The following TYW1B variants were observed in gnomAD, a reference collection of about 807,000 sequenced individuals.
TYW1B encodes the protein tRNA-yW synthesizing protein 1 homolog B, also known as S-adenosyl-L-methionine-dependent tRNA 4-demethylwyosine synthase TYW1B.
Under a neutral mutation model 86.9 loss-of-function variants are expected in TYW1B, and 73 were observed. That is an observed-to-expected ratio of 0.84 (90% confidence interval 0.70 to 1.02). TYW1B has a LOEUF of 1.02. Ranked by LOEUF, TYW1B falls within the 50% of genes least tolerant of loss-of-function variation. TYW1B has a pLI of 0.00. For synonymous variants in TYW1B, 248 were observed against 292.8 expected, an observed-to-expected ratio of 0.85 and a Z score of 1.56; for missense variants, 637 against 827.4, an observed-to-expected ratio of 0.77 and a Z score of 2.82.
chr7:72,704,771 GA>G (rs1479389947), intron 10 of TYW1B, among the ~76,000 whole-genome samples: 1 of 151,966 alleles, frequency 6.6e-6, no homozygotes, highest in African/African-American at 2.4e-5. Context: ...TACAAATGAG[GA>G]AAGTGGGCAC....
intron 13 of TYW1B, among the ~76,000 whole-genome samples, chr7:72,594,341 T>TAAA (rs58495459): frequency 1.4e-5 from 2 of 140,794 alleles, no homozygotes; most frequent in African/African-American, 2.6e-5. Context: ...AATTCTGCAT[T>TAAA]AAAAAAAAAA....
chr7:72,817,568 G>C (rs1478678889), intron 2 of TYW1B, among the ~76,000 whole-genome samples: 1 of 152,038 alleles, frequency 6.6e-6, no homozygotes, highest in Non-Finnish European at 1.5e-5. Context: ...CATGGGGGTG[G>C]GTCCCTCATG....
At chr7:72,623,609 C>A (rs533602943) in intron 12 of TYW1B, among the ~76,000 whole-genome samples, 3 of 152,232 alleles carry the variant, frequency 2.0e-5, no homozygotes, top group African/African-American at 7.2e-5. Flanking sequence ...CCAGAATGGT[C>A]TCTTTTCTTC....
chr7:72,636,685 GCTTT>G (rs1275879943), intron 11 of TYW1B, among the ~76,000 whole-genome samples: 5 of 151,896 alleles, frequency 3.3e-5, no homozygotes, highest in African/African-American at 4.9e-5. Flanking sequence ...TATCCTACCA[GCTTT>G]CTTTTTTATT....
chr7:72,642,751 A>C (rs1554441629), intron 11 of TYW1B, among the ~76,000 whole-genome samples: 1 of 152,154 alleles, frequency 6.6e-6, no homozygotes, highest in Admixed American at 6.5e-5. Context: ...AAATACAAAA[A>C]TTAGCTCGGT....
chr7:72,593,293 C>CAAAAAA (rs369019708), intron 13 of TYW1B, among the ~76,000 whole-genome samples: 25 of 144,032 alleles, frequency 1.7e-4, no homozygotes, highest in African/African-American at 2.4e-4. Context: ...AACTCCATCT[C>CAAAAAA]AAAAAAAGAA....
intron 2 of TYW1B, among the ~76,000 whole-genome samples, chr7:72,824,111 C>T (rs1391278670): frequency 2.0e-5 from 3 of 151,960 alleles, no homozygotes; most frequent in Non-Finnish European, 2.9e-5. Context: ...AACTTAACAA[C>T]TGACCTTCGA....
intron 8 of TYW1B, among the ~76,000 whole-genome samples, chr7:72,741,589 A>C (rs1787305711): frequency 6.6e-6 from 1 of 152,178 alleles, no homozygotes; most frequent in African/African-American, 2.4e-5. Flanking sequence ...AATTATTGAA[A>C]AATTCCCAAA....
chr7:72,602,310 G>A (rs1272894056), intron 13 of TYW1B, among the ~76,000 whole-genome samples: 1 of 152,152 alleles, frequency 6.6e-6, no homozygotes. Context: ...GGCTGAGGGT[G>A]GGAGCCAGGT....
At chr7:72,638,574 G>A (rs1383370777) in intron 11 of TYW1B, among the ~76,000 whole-genome samples, 1 of 152,160 alleles carries the variant, frequency 6.6e-6, no homozygotes, top group East Asian at 1.9e-4. Flanking sequence ...CAAGAACCTG[G>A]AAGCTTTCCC....
At chr7:72,803,920 G>A (rs1788449835) in intron 5 of TYW1B, among the ~76,000 whole-genome samples, 1 of 151,906 alleles carries the variant, frequency 6.6e-6, no homozygotes, top group Non-Finnish European at 1.5e-5. Flanking sequence ...AGCTGATAAA[G>A]AGATTTTTAA....
intron 13 of TYW1B, among the ~76,000 whole-genome samples, chr7:72,577,529 C>T (rs1395399415): frequency 6.6e-6 from 1 of 152,148 alleles, no homozygotes; most frequent in Non-Finnish European, 1.5e-5. Flanking sequence ...CACTGAGCCT[C>T]GAAACTGCAG....
At chr7:72,630,657 T>G (rs1166410529) in intron 11 of TYW1B, among the ~76,000 whole-genome samples, 1 of 152,204 alleles carries the variant, frequency 6.6e-6, no homozygotes, top group Non-Finnish European at 1.5e-5. Flanking sequence ...TAAGGAATAT[T>G]AGGCAGCCAC....
At chr7:72,596,138 T>C (rs1811524890) in intron 13 of TYW1B, among the ~76,000 whole-genome samples, 1 of 136,228 alleles carries the variant, frequency 7.3e-6, no homozygotes, top group African/African-American at 2.8e-5. Flanking sequence ...ATCACATCAT[T>C]GCACTCCATC....
Position 72,575,255 on chromosome 7 carries a change from T to C in TYW1B, c.*243A>G, listed in dbSNP as rs1347331170. On this transcript the variant is annotated 3_prime_UTR_variant, in exon 14 of 14. Coordinates refer to ENST00000620995, the MANE Select transcript of TYW1B (RefSeq NM_001145440.3). Reference sequence around the variant, plus strand: ...ACGACTGTGTAGTTCCTCCCCAAAATAATTTTCCTCTTAGAAGTAAAATCA... The same window carrying C: ...ACGACTGTGTAGTTCCTCCCCAAAACAATTTTCCTCTTAGAAGTAAAATCA... The C allele has an allele frequency of 1.3e-5, 17 of 1,345,286 alleles. No homozygotes were observed. The highest frequency in any genetic ancestry group is 1.5e-5 in the African/African-American group (1 of 68,194). 83.3% of individuals were successfully genotyped at this position (1,345,286 alleles called of 1,614,324 possible). A position where few individuals can be genotyped will look rare whatever the true frequency, so the allele number is the denominator to read the frequency against.
rs541382020 is a variant in TYW1B at position 72,575,160 on chromosome 7, A to G, written c.*338T>C. 9.0e-5 allele frequency: 98 copies of G among 1,091,466 alleles called. 2 individuals carry two copies. The South Asian group carries it at 2.8e-3, about 31-fold the overall frequency. The allele number at this position is 1,091,466 out of a possible 1,614,324, so 67.6% of individuals were successfully genotyped here. ...GGCCCAGGGATTTCTTCCTTGTCTG[A>G]CACTCTCAGGACTAGCATTCTGGCA... On this transcript the variant is annotated 3_prime_UTR_variant, in exon 14 of 14. Coordinates refer to ENST00000620995, the MANE Select transcript of TYW1B (RefSeq NM_001145440.3).
intron 6 of TYW1B, among the ~76,000 whole-genome samples, chr7:72,785,302 C>T (rs1238483514): frequency 6.8e-6 from 1 of 147,094 alleles, no homozygotes; most frequent in Non-Finnish European, 1.5e-5. Flanking sequence ...TATTCTAATT[C>T]TAATTATATT....
intron 3 of TYW1B, among the ~76,000 whole-genome samples, chr7:72,812,003 T>G (rs1327542115): frequency 6.6e-6 from 1 of 151,856 alleles, no homozygotes; most frequent in Non-Finnish European, 1.5e-5. Flanking sequence ...CAATAAAAAT[T>G]TTTAAACATT....
chr7:72,690,146 A>G (rs1225573433), intron 11 of TYW1B, among the ~76,000 whole-genome samples: 6 of 152,336 alleles, frequency 3.9e-5, no homozygotes, highest in Non-Finnish European at 8.8e-5. Flanking sequence ...TAATGCTATT[A>G]CTTAAACAGA....
Sources: allele counts gnomAD v4.1 joint callset (sites outside exome capture counted in the v4.1 genomes callset), GRCh38; gene constraint gnomAD v4.1.1; transcripts MANE v1.5; gene names NCBI Gene and HGNC (gene_info 2026-07-23, HGNC 2026-07-21).